The following PHF20L1 variants were observed in gnomAD, a reference collection of about 807,000 sequenced individuals.
The protein encoded by PHF20L1 is PHD finger protein 20 like 1.
In PHF20L1, 44 loss-of-function variants were observed where a neutral mutation model predicts 125.5. The ratio of observed to expected loss-of-function variants is 0.35; its 90% confidence interval spans 0.28 to 0.45. The LOEUF (loss-of-function observed/expected upper bound fraction) is 0.45. Among genes scored for constraint, PHF20L1 ranks in the 20% least tolerant of loss-of-function variants. PHF20L1 has a pLI of 1.00. For missense variants in PHF20L1, 1,012 were observed against 1,217.2 expected, an observed-to-expected ratio of 0.83 and a Z score of 2.51; for synonymous variants, 380 against 403.1, an observed-to-expected ratio of 0.94 and a Z score of 0.69.
intron 13 of PHF20L1, chr8:132,824,944 T>C: frequency 9.0e-7 from 1 of 1,106,406 alleles, no homozygotes; most frequent in South Asian, 1.5e-5. Context: ...TCAGGTCCTT[T>C]GTAAATTATG....
At chr8:132,779,173 C>T (rs1012338891) in intron 2 of PHF20L1, among the ~76,000 whole-genome samples, 3 of 152,082 alleles carry the variant, frequency 2.0e-5, no homozygotes, top group East Asian at 3.9e-4. Context: ...GGAGGTTAAT[C>T]GATACTGTCA....
Position 132,824,161 on chromosome 8 carries a change from G to C in PHF20L1, c.1636+101G>C, listed in dbSNP as rs189522011. 1.2e-4 allele frequency: 79 copies of C among 682,840 alleles called. No homozygotes were observed. In the East Asian group the frequency reaches 1.9e-3, roughly 17 times the overall value. The allele number at this position is 682,840 out of a possible 1,614,324, so 42.3% of individuals were successfully genotyped here. ...TCTTTACCAGTTAATGCTACCTTAG[G>C]TGTAAGTGATCATCTGTTTTAGTTC... On this transcript the variant is annotated intron_variant, in intron 13 of 20. Coordinates refer to ENST00000395386, the MANE Select transcript of PHF20L1 (RefSeq NM_016018.5).
intron 15 of PHF20L1, 153 bp from the exon 16 acceptor site, chr8:132,836,387 C>T: frequency 1.9e-6 from 1 of 516,808 alleles, no homozygotes; most frequent in Non-Finnish European, 3.3e-6. Flanking sequence ...TTTCCATGTC[C>T]AGAGACAAGT....
In PHF20L1 at chr8:132,775,481, A is replaced by G. The variant is rs903952839; in HGVS notation, c.-202A>G. 2 of 376,702 alleles carry G rather than the reference A, an allele frequency of 5.3e-6. No homozygotes were observed. The highest frequency in any genetic ancestry group is 9.4e-6 in the Non-Finnish European group (2 of 212,104). 23.3% of individuals were successfully genotyped at this position (376,702 alleles called of 1,614,324 possible). A position where few individuals can be genotyped will look rare whatever the true frequency, so the allele number is the denominator to read the frequency against. ...CTCGGACCCAGCTCCCTCCCGCGAAACCTTGGGCGGATCCGGCGCTGCGGC... is the reference window on the plus strand; with the variant it reads ...CTCGGACCCAGCTCCCTCCCGCGAAGCCTTGGGCGGATCCGGCGCTGCGGC... On this transcript the variant is annotated 5_prime_UTR_variant, in exon 1 of 21. Coordinates refer to ENST00000395386, the MANE Select transcript of PHF20L1 (RefSeq NM_016018.5).
intron 12 of PHF20L1, 80 bp downstream of exon 12, chr8:132,817,625 TTAAC>T: frequency 1.1e-6 from 1 of 883,082 alleles, no homozygotes; most frequent in Non-Finnish European, 1.7e-6. Context: ...ATTTTGAGGT[TTAAC>T]TACATTATTT....
chr8:132,806,434 C>T lies in PHF20L1; in HGVS notation c.847+1694C>T, dbSNP rs182142950. On this transcript the variant is annotated intron_variant, in intron 8 of 20. Coordinates refer to ENST00000395386, the MANE Select transcript of PHF20L1 (RefSeq NM_016018.5). ...CTTCCACGGTGGGATTTTCTCTTCA[C>T]TTTCCCTTGGGAGTCTCAAATGAAT... is the stretch of plus-strand genomic sequence containing the variant. The T allele has an allele frequency of 7.2e-5, 11 of 152,142 alleles. No homozygotes were observed. The East Asian group carries it at 2.1e-3, about 29-fold the overall frequency. 9.4% of individuals were successfully genotyped at this position (152,142 alleles called of 1,614,324 possible).
At chr8:132,827,691 A>G (rs1417033901) in intron 14 of PHF20L1, among the ~76,000 whole-genome samples, 1 of 151,958 alleles carries the variant, frequency 6.6e-6, no homozygotes, top group African/African-American at 2.4e-5. Flanking sequence ...GGCCAAAAAA[A>G]CCTCACCTTA....
intron 2 of PHF20L1, among the ~76,000 whole-genome samples, chr8:132,792,612 G>A (rs1430408428): frequency 1.3e-5 from 2 of 152,018 alleles, no homozygotes; most frequent in Non-Finnish European, 2.9e-5. Flanking sequence ...AGACATTCCC[G>A]CCTTTCTTTA....
chr8:132,804,450 C>A (rs1006182808), intron 7 of PHF20L1, 165 bp from the exon 8 acceptor site: 1 of 472,650 alleles, frequency 2.1e-6, no homozygotes, highest in African/African-American at 2.0e-5. Context: ...TCTTTTATTT[C>A]TAATATATTA....
intron 8 of PHF20L1, chr8:132,806,345 G>GA (rs1434329577): frequency 1.3e-5 from 2 of 151,878 alleles, no homozygotes; most frequent in Non-Finnish European, 2.9e-5. Flanking sequence ...CAGTAGTGGG[G>GA]AAAAAAAGTA....
At chr8:132,792,749 G>C (rs1254409384) in intron 2 of PHF20L1, among the ~76,000 whole-genome samples, 1 of 152,064 alleles carries the variant, frequency 6.6e-6, no homozygotes, top group Admixed American at 6.6e-5. Flanking sequence ...GGCCAGAGTA[G>C]CATTTCTAAC....
chr8:132,843,265 TTG>T, intron 19 of PHF20L1: 1 of 984,824 alleles, frequency 1.0e-6, no homozygotes, highest in Non-Finnish European at 1.2e-6. Flanking sequence ...GGCACTCTAA[TTG>T]TCTGTTTAAA....
chr8:132,835,691 T>TG (rs1837279678), intron 15 of PHF20L1, among the ~76,000 whole-genome samples: 1 of 152,140 alleles, frequency 6.6e-6, no homozygotes, highest in African/African-American at 2.4e-5. Context: ...AAAAATCCCT[T>TG]GGGGAACTCA....
chr8:132,784,862 G>T (rs1830834897), intron 2 of PHF20L1, among the ~76,000 whole-genome samples: 1 of 152,116 alleles, frequency 6.6e-6, no homozygotes. Flanking sequence ...CATCTAGAAG[G>T]GCCCTGAAAG....
rs563130656 is a variant in PHF20L1, at chr8:132,833,043, TG to T, written c.1909+645del. ...TGGAAAGTGTTGAAGACTCTTACCT[TG>T]CTTCCAATATTGTAAGCAATAGGCA... On this transcript the variant is annotated intron_variant, in intron 15 of 20. Transcript: ENST00000395386. 9.9e-5 allele frequency among the ~76,000 whole-genome samples: 15 copies of T among 152,228 alleles called. No individual in the cohort carries two copies. The South Asian group carries it at 2.7e-3, about 27-fold the overall frequency.
rs1836873630 is a variant in PHF20L1 at position 132,832,417 on chromosome 8, A to G, written c.1909+18A>G. On this transcript the variant is annotated intron_variant, in intron 15 of 20. Coordinates refer to ENST00000395386, the MANE Select transcript of PHF20L1 (RefSeq NM_016018.5). Reference sequence around the variant, plus strand: ...TGGTGAAAGTATGTGTAACCATGTGATGGTTAAAACAAGACTTACAATTCC... The same window carrying G: ...TGGTGAAAGTATGTGTAACCATGTGGTGGTTAAAACAAGACTTACAATTCC... 17 of 1,581,384 alleles carry G rather than the reference A, an allele frequency of 1.1e-5. No homozygotes were observed. Among genetic ancestry groups the G allele is most frequent in the Non-Finnish European group, 1.5e-5 (17 of 1,151,990 alleles).
At chr8:132,786,539 C>T (rs1586859716) in intron 2 of PHF20L1, among the ~76,000 whole-genome samples, 1 of 151,784 alleles carries the variant, frequency 6.6e-6, no homozygotes, top group Non-Finnish European at 1.5e-5. Context: ...GGTAAGAGCC[C>T]CCTATATTGA....
chr8:132,798,912 T>G, intron 5 of PHF20L1, 52 bp downstream of exon 5: 2 of 1,240,208 alleles, frequency 1.6e-6, no homozygotes, highest in Non-Finnish European at 2.3e-6. Context: ...TCTTGAACGG[T>G]GACTGATCAA....
rs1170120147 is a variant in PHF20L1 at position 132,814,855 on chromosome 8, A to G, written c.1149A>G (p.Val383=). The change falls in exon 10 of 21, where the codon GTA becomes GTG. Residue 383 remains valine, a synonymous_variant. Transcript: ENST00000395386. ...TACAAGTCGAGGATTTGACGCTTGTATCTCAGCTTTCTTCTTCAGTGATAA... is the reference window on the plus strand; with the variant it reads ...TACAAGTCGAGGATTTGACGCTTGTGTCTCAGCTTTCTTCTTCAGTGATAA... ...ELIQVEDLTL[V]SQLSSSVINK... is the part of the protein sequence containing the mutation. 3 of 1,609,376 alleles carry G rather than the reference A, an allele frequency of 1.9e-6. No individual in the cohort carries two copies. The highest frequency in any genetic ancestry group is 1.1e-5 in the South Asian group (1 of 90,754).
Sources: gnomAD v4.1 joint callset for allele counts (sites outside exome capture counted in the v4.1 genomes callset) on GRCh38, gnomAD v4.1.1 for gene constraint, MANE v1.5 for transcripts, NCBI Gene and HGNC (gene_info 2026-07-23, HGNC 2026-07-21) for gene names.